Variants in STK32B observed in about 807,000 individuals in gnomAD.
STK32B encodes serine/threonine-protein kinase 32B.
STK32B carries 43 observed loss-of-function variants against 52.6 expected under a neutral mutation model. The observed-to-expected ratio is 0.82, with a 90% confidence interval of 0.64 to 1.05. The LOEUF is 1.05. Ranked by LOEUF, STK32B falls within the 50% of genes least tolerant of loss-of-function variation. STK32B has a pLI of 0.00. For synonymous variants in STK32B, 238 were observed against 204.3 expected (o/e 1.17, Z -1.41); for missense variants, 621 against 534.6 (o/e 1.16, Z -1.59).
intron 1 of STK32B, among the ~76,000 whole-genome samples, chr4:5,071,946 C>T (rs1711805783): frequency 6.6e-6 from 1 of 152,146 alleles, no homozygotes; most frequent in African/African-American, 2.4e-5. Context: ...CAAGATCAGG[C>T]CATGGCATGC....
intron 3 of STK32B, among the ~76,000 whole-genome samples, chr4:5,291,911 A>G (rs1036556353): frequency 5.3e-5 from 8 of 152,104 alleles, no homozygotes; most frequent in African/African-American, 1.7e-4. Flanking sequence ...TTACATGAAT[A>G]TATTGCATGA....
At chr4:5,196,088 T>C (rs1305889417) in intron 3 of STK32B, among the ~76,000 whole-genome samples, 1 of 152,168 alleles carries the variant, frequency 6.6e-6, no homozygotes, top group Admixed American at 6.5e-5. Flanking sequence ...AAAGACAGGC[T>C]AGCTTTAAAC....
intron 11 of STK32B, among the ~76,000 whole-genome samples, chr4:5,489,631 AT>A (rs1337224666): frequency 2.0e-5 from 3 of 151,276 alleles, no homozygotes; most frequent in Non-Finnish European, 1.5e-5. Flanking sequence ...ATTTTTTATT[AT>A]TTTTTTTGAG....
chr4:5,397,778 T>G (rs1366080189), intron 4 of STK32B, among the ~76,000 whole-genome samples: 2 of 152,236 alleles, frequency 1.3e-5, no homozygotes, highest in Non-Finnish European at 2.9e-5. Context: ...TTTGCCCATC[T>G]CTGACCATGA....
At chr4:5,246,624 G>A (rs28784937) in intron 3 of STK32B, among the ~76,000 whole-genome samples, 13,818 of 152,200 alleles carry the variant, frequency 0.091, 742 homozygotes, top group Admixed American at 0.19. Flanking sequence ...GAGGAGCTGC[G>A]TTCCTTTGGA....
rs142226932 is a variant in STK32B at position 5,380,493 on chromosome 4, C to T, written c.435-17714C>T. On this transcript the variant is annotated intron_variant, in intron 4 of 11. Transcript: ENST00000282908. The surrounding 1 kb of genome is among the most constrained non-coding windows in gnomAD (Gnocchi z 4.3). ...TCACAGGACAAGAATCCTGTCCAAG[C>T]ACCACACTAATGGGACCTTGAGCCA... Among the ~76,000 whole-genome samples, 72 of 152,292 alleles carry T rather than the reference C, an allele frequency of 4.7e-4. 1 individual carries two copies. The highest frequency in any genetic ancestry group is 3.8e-3 in the Admixed American group (58 of 15,306).
In STK32B at chr4:5,282,054, T is replaced by A. The variant is rs554860138; in HGVS notation, c.261-49166T>A. Among the ~76,000 whole-genome samples the A allele has an allele frequency of 3.9e-5, 6 of 151,948 alleles. No homozygotes were observed. In the South Asian group the frequency reaches 1.2e-3, roughly 32 times the overall value. ...ATATATGTATACAATATGGAATAAC[T>A]AAGTTAAGCTAACTAACATATCCAT... On this transcript the variant is annotated intron_variant, in intron 3 of 11. Coordinates refer to ENST00000282908, the MANE Select transcript of STK32B (RefSeq NM_018401.3).
At chr4:5,050,039 C>T (rs761116614), upstream of STK32B, among the ~76,000 whole-genome samples, 39 of 152,276 alleles carry the variant, frequency 2.6e-4, no homozygotes, top group Non-Finnish European at 4.1e-4. Context: ...CAGAATGAAA[C>T]CTGGGTAGAA....
intron 3 of STK32B, among the ~76,000 whole-genome samples, chr4:5,195,520 C>T (rs563285414): frequency 6.6e-6 from 1 of 152,270 alleles, no homozygotes; most frequent in East Asian, 1.9e-4. Flanking sequence ...TGGTGGAATC[C>T]TTTCTGTACT....
chr4:5,113,931 C>G (rs1024822647), intron 1 of STK32B, among the ~76,000 whole-genome samples: 34 of 151,406 alleles, frequency 2.2e-4, no homozygotes, highest in African/African-American at 7.5e-4. Flanking sequence ...AACCCGCCCC[C>G]CTTTTTAAAA....
chr4:5,444,697 A>T (rs142781977), intron 6 of STK32B, among the ~76,000 whole-genome samples: 1 of 152,340 alleles, frequency 6.6e-6, no homozygotes, highest in African/African-American at 2.4e-5. Context: ...AGCACTCACT[A>T]CGGGCCAGGC....
chr4:5,142,799 T>C (rs1415939162), intron 2 of STK32B, among the ~76,000 whole-genome samples: 1 of 152,262 alleles, frequency 6.6e-6, no homozygotes, highest in African/African-American at 2.4e-5. Flanking sequence ...TAGATGTCCC[T>C]GCGAAGGTAT....
rs889448845 is a variant in STK32B at position 5,395,428 on chromosome 4, G to A, written c.435-2779G>A. ...ACAGCTGGCCTTTTCTTGCTATTCA[G>A]ATGTCAACCCAATGTCACCACTTCT... On this transcript the variant is annotated intron_variant, in intron 4 of 11. Coordinates refer to ENST00000282908, the MANE Select transcript of STK32B (RefSeq NM_018401.3). The surrounding 1 kb of genome is among the most constrained non-coding windows in gnomAD (Gnocchi z 4.4). 1.3e-5 allele frequency among the ~76,000 whole-genome samples: 2 copies of A among 152,168 alleles called. No individual in the cohort carries two copies. The highest frequency in any genetic ancestry group is 2.9e-5 in the Non-Finnish European group (2 of 68,028).
At position 5,399,937 on chromosome 4, in the gene STK32B, A is replaced by G. The variant is rs1310945485; in HGVS notation, c.472+1693A>G. On this transcript the variant is annotated intron_variant, in intron 5 of 11. Coordinates refer to ENST00000282908, the MANE Select transcript of STK32B (RefSeq NM_018401.3). The surrounding 1 kb of genome is among the most constrained non-coding windows in gnomAD (Gnocchi z 5.4). ...GAAAACACAGAGGCTGGTTCTGCTT[A>G]GCTGTCTGGAAAGCAGGGGTCTGGA... Among the ~76,000 whole-genome samples, 1 of 152,072 alleles carries G rather than the reference A, an allele frequency of 6.6e-6. No homozygotes were observed. Among genetic ancestry groups the G allele is most frequent in the Non-Finnish European group, 1.5e-5 (1 of 68,038 alleles).
At chr4:5,257,665 G>C (rs1417439129) in intron 3 of STK32B, among the ~76,000 whole-genome samples, 1 of 152,218 alleles carries the variant, frequency 6.6e-6, no homozygotes, top group Non-Finnish European at 1.5e-5. Flanking sequence ...TGGGGGCTGG[G>C]CATGGTGGCT....
chr4:5,418,182 G>A (rs950556420), intron 6 of STK32B, among the ~76,000 whole-genome samples: 3 of 152,326 alleles, frequency 2.0e-5, no homozygotes, highest in South Asian at 4.1e-4. Context: ...CTTTTGAAAC[G>A]TAGGCTATAG....
intron 3 of STK32B, among the ~76,000 whole-genome samples, chr4:5,197,592 C>T (rs1448818454): frequency 6.6e-6 from 1 of 152,214 alleles, no homozygotes; most frequent in Non-Finnish European, 1.5e-5. Context: ...TGCCAGATTT[C>T]ATCACAAAGA....
chr4:5,023,821 C>T, the STK32B span, among the ~76,000 whole-genome samples: 58 of 152,320 alleles, frequency 3.8e-4, 1 homozygote, highest in African/African-American at 1.3e-3. Flanking sequence ...GTCTCCCTGG[C>T]TCCCAGACAC....
chr4:5,290,516 C>T lies in STK32B; in HGVS notation c.261-40704C>T, dbSNP rs35657675. Reference sequence around the variant, plus strand: ...ACTGGCTGATAATAATCTTTATCTCCGTTATAATCTCATGGGACCACCGTG... The same window carrying T: ...ACTGGCTGATAATAATCTTTATCTCTGTTATAATCTCATGGGACCACCGTG... On this transcript the variant is annotated intron_variant, in intron 3 of 11. Coordinates refer to ENST00000282908, the MANE Select transcript of STK32B (RefSeq NM_018401.3). Among the ~76,000 whole-genome samples, 80 of 152,230 alleles carry T rather than the reference C, an allele frequency of 5.3e-4. No individual in the cohort carries two copies. In the East Asian group the frequency reaches 0.011, roughly 20 times the overall value.
Sources: allele counts gnomAD v4.1 joint callset (sites outside exome capture counted in the v4.1 genomes callset), GRCh38; gene constraint gnomAD v4.1.1; non-coding constraint Gnocchi (gnomAD v3.1); transcripts MANE v1.5; gene names NCBI Gene and HGNC (gene_info 2026-07-23, HGNC 2026-07-21).